IFT27: variants seen among roughly 807,000 people sequenced by gnomAD.
IFT27 encodes intraflagellar transport 27, also known as intraflagellar transport protein 27 homolog.
In IFT27, 19 loss-of-function variants were observed where a neutral mutation model predicts 23.9. The ratio of observed to expected loss-of-function variants is 0.79; its 90% confidence interval spans 0.55 to 1.16. IFT27 has a LOEUF of 1.16. Among genes scored for constraint, IFT27 ranks in the 50% most tolerant of loss-of-function variants. IFT27 has a pLI of 0.00. For missense variants in IFT27, 206 were observed against 228.7 expected (o/e 0.90, Z 0.64); for synonymous variants, 91 against 89.1 (o/e 1.02, Z -0.12).
Position 36,761,058 on chromosome 22 carries a change from A to T in IFT27, c.462+1846T>A, listed in dbSNP as rs1183926796. On this transcript the variant is annotated intron_variant, in intron 6 of 6. Coordinates refer to ENST00000433985, the MANE Select transcript of IFT27 (RefSeq NM_001177701.3). ...TGCCAGCGGTGCTTCTGTGAGCCTC[A>T]ACTCAGGGGGGACTAGTTAACTTGC... The T allele has an allele frequency of 3.2e-5, 5 of 157,280 alleles. No individual in the cohort carries two copies. In the East Asian group the frequency reaches 9.6e-4, roughly 30 times the overall value. 9.7% of individuals were successfully genotyped at this position (157,280 alleles called of 1,614,324 possible).
In IFT27 at chr22:36,758,273, G is replaced by A. The variant is rs368963202; in HGVS notation, c.*38C>T. The stretch of plus-strand genomic sequence containing the variant: ...ATATTAAAAGAGCAGAGGTAATTCT[G>A]TCTTCTCCGGTTGTGCAGCACGATC... On this transcript the variant is annotated 3_prime_UTR_variant, in exon 7 of 7. Coordinates refer to ENST00000433985, the MANE Select transcript of IFT27 (RefSeq NM_001177701.3). 6.9e-7 allele frequency: 1 copy of A among 1,453,780 alleles called. No homozygotes were observed. Among genetic ancestry groups the A allele is most frequent in the Non-Finnish European group, 9.7e-7 (1 of 1,034,102 alleles). The allele number at this position is 1,453,780 out of a possible 1,614,324, so 90.1% of individuals were successfully genotyped here. A position where few individuals can be genotyped will look rare whatever the true frequency, so the allele number is the denominator to read the frequency against.
chr22:36,767,036 C>T (rs1048015), intron 3 of IFT27: 173,948 of 269,474 alleles, frequency 0.65, 60,583 homozygotes, highest in East Asian at 0.88. Context: ...CTTTCAAGAG[C>T]CCCAGGTTCC....
intron 1 of IFT27, chr22:36,768,174 C>A: frequency 4.0e-6 from 2 of 497,382 alleles, no homozygotes; most frequent in South Asian, 3.2e-5. Context: ...TCCACTGAAA[C>A]ACGCCCTATG....
chr22:36,764,009 C>T lies in IFT27; in HGVS notation c.262G>A (p.Val88Ile), dbSNP rs756787825. ...GATTCTTCATTGGTCACATCATAGA[C>T]GAGACATAAGACATTGGGACTCTCC... is the stretch of plus-strand genomic sequence containing the variant. ...LWESPNVLCLVYDVTNEESFN... is the reference protein window; with the variant it reads ...LWESPNVLCLIYDVTNEESFN... Residue 88 changes from valine to isoleucine, a missense_variant, in exon 5 of 7, where the codon GTC (valine) becomes ATC (isoleucine). Transcript: ENST00000433985. The T allele has an allele frequency of 2.2e-5, 36 of 1,613,890 alleles. No homozygotes were observed. Among genetic ancestry groups the T allele is most frequent in the Admixed American group, 1.5e-4 (9 of 60,010 alleles).
At chr22:36,767,917 A>G (rs1473063512) in intron 1 of IFT27, 55 bp from the exon 2 acceptor site, 1 of 1,441,024 alleles carries the variant, frequency 6.9e-7, no homozygotes, top group African/African-American at 1.4e-5. Flanking sequence ...TGACTTGAGA[A>G]TCTCCCGCTG....
intron 1 of IFT27, among the ~76,000 whole-genome samples, chr22:36,773,927 A>T (rs1938441966): frequency 6.6e-6 from 1 of 152,188 alleles, no homozygotes; most frequent in Non-Finnish European, 1.5e-5. Context: ...GAGCTGATGC[A>T]CCCAAAGCGC....
intron 1 of IFT27, among the ~76,000 whole-genome samples, chr22:36,770,420 C>T (rs920613061): frequency 4.6e-5 from 7 of 152,158 alleles, no homozygotes; most frequent in Non-Finnish European, 1.0e-4. Context: ...CGGCGGCGCT[C>T]TGCTCCTAGT....
chr22:36,769,659 C>A (rs1305379056), intron 1 of IFT27, among the ~76,000 whole-genome samples: 1 of 152,148 alleles, frequency 6.6e-6, no homozygotes, highest in Non-Finnish European at 1.5e-5. Flanking sequence ...ATTTTTAATG[C>A]TGTCCCTCCA....
At chr22:36,768,494 G>A (rs1162805823) in intron 1 of IFT27, 1 of 190,634 alleles carries the variant, frequency 5.2e-6, no homozygotes, top group Admixed American at 5.4e-5. Flanking sequence ...AATTCTATCT[G>A]CAATAGCAGT....
chr22:36,774,522 A>G (rs543226196), intron 1 of IFT27, among the ~76,000 whole-genome samples: 30 of 152,262 alleles, frequency 2.0e-4, no homozygotes, highest in African/African-American at 7.2e-4. Flanking sequence ...ACAATCCAGT[A>G]CCTGGCCGGG....
chr22:36,767,483 T>C, intron 2 of IFT27, 118 bp from the exon 3 acceptor site: 1 of 880,336 alleles, frequency 1.1e-6, no homozygotes, highest in East Asian at 2.5e-5. Flanking sequence ...GGGTTTGTTC[T>C]GGACTCATTC....
At chr22:36,768,805 C>T (rs1233851340) in intron 1 of IFT27, among the ~76,000 whole-genome samples, 2 of 152,190 alleles carry the variant, frequency 1.3e-5, no homozygotes, top group East Asian at 3.9e-4. Flanking sequence ...TCTTTTCCTC[C>T]TGAGTCTTAC....
chr22:36,775,645 C>T (rs12167741), intron 1 of IFT27, 29 bp downstream of exon 1: 1 of 1,613,258 alleles, frequency 6.2e-7, no homozygotes, highest in African/African-American at 1.3e-5. Context: ...CAGAGACCAC[C>T]GTATTCAAGC....
intron 6 of IFT27, chr22:36,759,513 C>A (rs950344166): frequency 6.6e-6 from 1 of 152,128 alleles, no homozygotes; most frequent in Non-Finnish European, 1.5e-5. Context: ...AAGGAAATGG[C>A]GCCCTCTCTC....
At chr22:36,772,848 T>C (rs897088686) in intron 1 of IFT27, 1 of 579,102 alleles carries the variant, frequency 1.7e-6, no homozygotes, top group Non-Finnish European at 2.2e-6. Flanking sequence ...ATAAAACCAA[T>C]GGCATGTGTG....
intron 4 of IFT27, among the ~76,000 whole-genome samples, chr22:36,765,768 C>A (rs533907780): frequency 4.6e-5 from 7 of 152,182 alleles, no homozygotes; most frequent in Admixed American, 4.6e-4. Context: ...GAGGCCTCTA[C>A]AGCACTTCCC....
intron 2 of IFT27, 58 bp from the exon 3 acceptor site, chr22:36,767,423 C>T (rs1474904739): frequency 1.3e-6 from 2 of 1,483,760 alleles, no homozygotes; most frequent in Non-Finnish European, 1.9e-6. Flanking sequence ...GAGCATGTTA[C>T]AGGAGGACAC....
chr22:36,764,905 G>A (rs955069674), intron 4 of IFT27, among the ~76,000 whole-genome samples: 2 of 152,160 alleles, frequency 1.3e-5, no homozygotes, highest in African/African-American at 4.8e-5. Context: ...CCCCAACCTC[G>A]CACAATTAGG....
rs372915736 is a variant in IFT27 at position 36,763,808 on chromosome 22, G to A, written c.352+111C>T. 8.3e-5 allele frequency: 68 copies of A among 822,664 alleles called. No individual in the cohort carries two copies. The Middle Eastern group carries it at 8.7e-4, about 11-fold the overall frequency. 51.0% of individuals were successfully genotyped at this position (822,664 alleles called of 1,614,324 possible). A position where few individuals can be genotyped will look rare whatever the true frequency, so the allele number is the denominator to read the frequency against. On this transcript the variant is annotated intron_variant, in intron 5 of 6. Coordinates refer to ENST00000433985, the MANE Select transcript of IFT27 (RefSeq NM_001177701.3). ...CCAGTGTACGCCTTAGGCCATCAAAGTCCAAGCCCAGGGCCCCTTCTCCAC... is the reference window on the plus strand; with the variant it reads ...CCAGTGTACGCCTTAGGCCATCAAAATCCAAGCCCAGGGCCCCTTCTCCAC...
Sources: allele counts gnomAD v4.1 joint callset (sites outside exome capture counted in the v4.1 genomes callset), GRCh38; gene constraint gnomAD v4.1.1; transcripts MANE v1.5; gene names NCBI Gene and HGNC (gene_info 2026-07-23, HGNC 2026-07-21).